Variants in B4GALT2 observed in about 807,000 individuals in gnomAD.
B4GALT2 encodes N-acetyllactosamine synthase.
In B4GALT2, 18 loss-of-function variants were observed where a neutral mutation model predicts 33.2. That is an observed-to-expected ratio of 0.54 (90% confidence interval 0.38 to 0.80). The LOEUF is 0.80. Among genes scored for constraint, B4GALT2 ranks in the 30% least tolerant of loss-of-function variants. B4GALT2 has a pLI of 0.00. For synonymous variants in B4GALT2, 214 were observed against 217.6 expected (o/e 0.98, Z 0.15); for missense variants, 404 against 526.2 (o/e 0.77, Z 2.27).
intron 6 of B4GALT2, among the ~76,000 whole-genome samples, chr1:43,988,910 C>G (rs1230164605): frequency 1.4e-5 from 2 of 145,868 alleles, no homozygotes; most frequent in Non-Finnish European, 3.0e-5. Flanking sequence ...CGTCTGTTTT[C>G]TGACTGGAGC....
At position 43,981,363 on chromosome 1, in the gene B4GALT2, C is replaced by T. The variant is rs780462896; in HGVS notation, c.203C>T (p.Ser68Phe). The change falls in exon 2 of 7, where the codon TCC (serine) becomes TTC (phenylalanine). Residue 68 changes from serine (S) to phenylalanine (F), a missense_variant. Coordinates refer to ENST00000372324, the MANE Select transcript of B4GALT2 (RefSeq NM_003780.5). The surrounding 1 kb of genome is among the most constrained non-coding windows in gnomAD (Gnocchi z 8.1). ...AGCAGCAGCAGCAGCAGCAACTGCT[C>T]CCGGCCCAACGCCACCGCCTCTAGC... ...ASSSSSSSNC[S>F]RPNATASSSG... 8 of 1,599,202 alleles carry T rather than the reference C, an allele frequency of 5.0e-6. No individual in the cohort carries two copies. Among genetic ancestry groups the T allele is most frequent in the Non-Finnish European group, 6.8e-6 (8 of 1,179,796 alleles).
In B4GALT2 at chr1:43,981,350, A is replaced by G; in HGVS notation, c.190A>G (p.Ser64Gly). The change falls in exon 2 of 7, where the codon AGC (serine) becomes GGC (glycine). Residue 64 changes from serine (S) to glycine (G), a missense_variant. Ser to Gly is a moderately conservative substitution (Grantham distance 56, BLOSUM62 0). Transcript: ENST00000372324. The surrounding 1 kb of genome is among the most constrained non-coding windows in gnomAD (Gnocchi z 8.1). ...LHPAASSSSS[S>G]SNCSRPNATA... ...CCCAGCTGCTAGCAGCAGCAGCAGC[A>G]GCAGCAACTGCTCCCGGCCCAACGC... 1 of 1,600,078 alleles carries G rather than the reference A, an allele frequency of 6.2e-7. No individual in the cohort carries two copies. The highest frequency in any genetic ancestry group is 8.5e-7 in the Non-Finnish European group (1 of 1,179,844).
rs1321067854 is a variant in B4GALT2, at chr1:43,990,680, C to T, written c.*232C>T. On this transcript the variant is annotated 3_prime_UTR_variant, in exon 7 of 7. Transcript: ENST00000372324. ...CCTCTTTGGAGTCAACCCTCCTTCC[C>T]GACCCCCTCCCCCTAGCCCAGCCCC... 1.0e-5 allele frequency: 6 copies of T among 573,726 alleles called. No homozygotes were observed. The highest frequency in any genetic ancestry group is 4.1e-5 in the South Asian group (2 of 48,958). 35.5% of individuals were successfully genotyped at this position (573,726 alleles called of 1,614,324 possible). A position where few individuals can be genotyped will look rare whatever the true frequency, so the allele number is the denominator to read the frequency against.
chr1:43,985,204 C>G (rs948675284), intron 4 of B4GALT2, 74 bp from the exon 5 acceptor site: 3 of 1,567,892 alleles, frequency 1.9e-6, no homozygotes, highest in African/African-American at 2.7e-5. Flanking sequence ...GGACATTCCC[C>G]CCGACCTGGT....
chr1:43,981,042 G>C lies in B4GALT2; in HGVS notation c.-52-67G>C. 1.4e-6 allele frequency: 2 copies of C among 1,465,898 alleles called. No homozygotes were observed. Among genetic ancestry groups the C allele is most frequent in the Non-Finnish European group, 1.8e-6 (2 of 1,107,474 alleles). 90.8% of individuals were successfully genotyped at this position (1,465,898 alleles called of 1,614,324 possible). A position where few individuals can be genotyped will look rare whatever the true frequency, so the allele number is the denominator to read the frequency against. ...CACGAGTGTGAGCAGCTGAGTGGGA[G>C]GTAGGTGGGCAGCCTTGCCTGTCCT... On this transcript the variant is annotated intron_variant, in intron 1 of 6. Coordinates refer to ENST00000372324, the MANE Select transcript of B4GALT2 (RefSeq NM_003780.5). The surrounding 1 kb of genome is among the most constrained non-coding windows in gnomAD (Gnocchi z 8.1).
chr1:43,989,145 G>C (rs1014864767), intron 6 of B4GALT2, among the ~76,000 whole-genome samples: 4 of 152,038 alleles, frequency 2.6e-5, no homozygotes, highest in African/African-American at 7.2e-5. Flanking sequence ...TTAGGAGTTC[G>C]AGACCAGCCT....
intron 5 of B4GALT2, 50 bp downstream of exon 5, chr1:43,985,450 G>GGGGGGGGGGGGGGGGGGGT: frequency 1.2e-6 from 1 of 822,534 alleles, no homozygotes; most frequent in Non-Finnish European, 1.8e-6. Context: ...GGGAGGGGGG[G>GGGGGGGGGGGGGGGGGGGT]TGCAGACTGG....
At position 43,981,127 on chromosome 1, in the gene B4GALT2, G is replaced by A. The variant is rs753587540; in HGVS notation, c.-34G>A. The A allele has an allele frequency of 1.1e-5, 18 of 1,591,880 alleles. No homozygotes were observed. Among genetic ancestry groups the A allele is most frequent in the Admixed American group, 6.7e-5 (4 of 59,266 alleles). On this transcript the variant is annotated 5_prime_UTR_variant, in exon 2 of 7. Transcript: ENST00000372324. This position sits in a 1 kb window ranked among gnomAD's most constrained non-coding sequence, Gnocchi z 8.1. ...TGCTCAGGCCAGCAGCCGGATGCCC[G>A]GGCCCACTGGGCGGGCCAGTGGCCG...
At chr1:43,986,355 T>C (rs1375434418) in intron 6 of B4GALT2, 1 of 152,244 alleles carries the variant, frequency 6.6e-6, no homozygotes, top group African/African-American at 2.4e-5. Flanking sequence ...AGGTGTTGTC[T>C]TGGCAGAAGA....
chr1:43,988,761 C>T (rs545388600), intron 6 of B4GALT2, among the ~76,000 whole-genome samples: 1 of 150,668 alleles, frequency 6.6e-6, no homozygotes, highest in African/African-American at 2.4e-5. Flanking sequence ...GCAGGAGAAT[C>T]GCTTGAACCC....
chr1:43,981,382 C>G lies in B4GALT2; in HGVS notation c.222C>G (p.Ala74=). ...ACTGCTCCCGGCCCAACGCCACCGC[C>G]TCTAGCTCCGGGCTCCCTGAGGTCC... ...SSNCSRPNAT[A]SSSGLPEVPS... is the part of the protein sequence containing the mutation. The change falls in exon 2 of 7, where the codon GCC becomes GCG. Residue 74 remains alanine, a synonymous_variant. Coordinates refer to ENST00000372324, the MANE Select transcript of B4GALT2 (RefSeq NM_003780.5). The surrounding 1 kb of genome is among the most constrained non-coding windows in gnomAD (Gnocchi z 8.1). The G allele has an allele frequency of 6.3e-7, 1 of 1,598,962 alleles. No individual in the cohort carries two copies. The highest frequency in any genetic ancestry group is 2.2e-5 in the East Asian group (1 of 44,876).
chr1:43,981,978 G>A lies in B4GALT2; in HGVS notation c.549+54G>A, dbSNP rs939563587. 2.6e-5 allele frequency: 41 copies of A among 1,560,178 alleles called. No homozygotes were observed. The East Asian group carries it at 3.2e-4, about 12-fold the overall frequency. On this transcript the variant is annotated intron_variant, in intron 3 of 6. Transcript: ENST00000372324. The surrounding 1 kb of genome is among the most constrained non-coding windows in gnomAD (Gnocchi z 8.1). ...TGGTGTATATATGTGGGTTGGGGGC[G>A]TTTGTGGGTCCTTGTCTGCCCGTGT...
chr1:43,989,239 A>G (rs1571810407), intron 6 of B4GALT2, among the ~76,000 whole-genome samples: 1 of 149,538 alleles, frequency 6.7e-6, no homozygotes, highest in East Asian at 2.0e-4. Flanking sequence ...CCAGCTACTC[A>G]GAAGGCTGAG....
In B4GALT2 at chr1:43,979,959, G is replaced by A; in HGVS notation, c.-53+448G>A. On this transcript the variant is annotated intron_variant, in intron 1 of 6. Transcript: ENST00000372324. The surrounding 1 kb of genome is among the most constrained non-coding windows in gnomAD (Gnocchi z 4.8). ...CCAGAACCCCTGCGCCGGAGGGAGGGTGGGAATGTCTGCACGTGGGTCTGG... is the reference window on the plus strand; with the variant it reads ...CCAGAACCCCTGCGCCGGAGGGAGGATGGGAATGTCTGCACGTGGGTCTGG... 1 of 1,527,062 alleles carries A rather than the reference G, an allele frequency of 6.5e-7. No individual in the cohort carries two copies. The highest frequency in any genetic ancestry group is 8.8e-7 in the Non-Finnish European group (1 of 1,142,026). 94.6% of individuals were successfully genotyped at this position (1,527,062 alleles called of 1,614,324 possible).
intron 1 of B4GALT2, chr1:43,980,372 T>A: frequency 3.3e-6 from 1 of 300,860 alleles, no homozygotes; most frequent in Non-Finnish European, 5.6e-6. Flanking sequence ...AGGGGCTGGC[T>A]TTGAGGTCTT....
At position 43,981,773 on chromosome 1, in the gene B4GALT2, G is replaced by T; in HGVS notation, c.398G>T (p.Arg133Leu). The T allele has an allele frequency of 6.2e-7, 1 of 1,613,598 alleles. No individual in the cohort carries two copies. ...AACCCAGGCGTGCTCATGGGCGGCC[G>T]ATACACACCGCCCGACTGCACCCCA... The part of the protein sequence containing the change: ...RENPGVLMGG[R>L]YTPPDCTPAQ... Residue 133 changes from arginine to leucine, a missense_variant, in exon 3 of 7, where the codon CGA becomes CTA. Arg to Leu is a moderately radical substitution (Grantham distance 102, BLOSUM62 -2). Coordinates refer to ENST00000372324, the MANE Select transcript of B4GALT2 (RefSeq NM_003780.5). This position sits in a 1 kb window ranked among gnomAD's most constrained non-coding sequence, Gnocchi z 8.1.
At chr1:43,985,672 C>T (rs1050919512) in intron 6 of B4GALT2, 51 bp downstream of exon 6, 2 of 1,559,566 alleles carry the variant, frequency 1.3e-6, no homozygotes, top group East Asian at 2.2e-5. Context: ...TTCCCAATAT[C>T]CCCAACTCTT....
intron 4 of B4GALT2, 23 bp downstream of exon 4, chr1:43,985,078 G>A: frequency 6.2e-7 from 1 of 1,610,740 alleles, no homozygotes; most frequent in Non-Finnish European, 8.5e-7. Flanking sequence ...TTCTCAGCTG[G>A]ACCCAGCCCT....
Position 43,985,608 on chromosome 1 carries a change from C to T in B4GALT2, c.955C>T (p.Pro319Ser). The T allele has an allele frequency of 6.2e-7, 1 of 1,613,978 alleles. No individual in the cohort carries two copies. The highest frequency in any genetic ancestry group is 1.1e-5 in the South Asian group (1 of 91,080). Reference protein sequence around the residue: ...IKHDRDKHNEPNPQRFTKIQN... With the variant: ...IKHDRDKHNESNPQRFTKIQN... ...GCACGACCGCGACAAGCATAACGAA[C>T]CTAACCCTCAGAGGTGACCCCAGCA... The change falls in exon 6 of 7, where the codon CCT becomes TCT. Residue 319 changes from proline to serine, a missense_variant. Coordinates refer to ENST00000372324, the MANE Select transcript of B4GALT2 (RefSeq NM_003780.5).
Sources: allele counts gnomAD v4.1 joint callset (sites outside exome capture counted in the v4.1 genomes callset), GRCh38; gene constraint gnomAD v4.1.1; non-coding constraint Gnocchi (gnomAD v3.1); transcripts MANE v1.5; gene names NCBI Gene and HGNC (gene_info 2026-07-23, HGNC 2026-07-21).